CCDC28A: variants seen among roughly 807,000 people sequenced by gnomAD.
CCDC28A encodes the protein coiled-coil domain containing 28A.
CCDC28A carries 24 observed loss-of-function variants against 22.1 expected under a neutral mutation model. The ratio of observed to expected loss-of-function variants is 1.09; its 90% CI spans 0.79 to 1.53. The LOEUF (loss-of-function observed/expected upper bound fraction) is 1.53, where lower values mean the gene tolerates loss of function less well. CCDC28A is among the 40% of genes most tolerant of loss of function. The probability of loss-of-function intolerance (pLI) is 0.00; values close to 1 mark genes in which losing one functional copy is unlikely to be tolerated. For missense variants in CCDC28A, 170 were observed against 210.7 expected, an observed-to-expected ratio of 0.81 and a Z score of 1.20; for synonymous variants, 83 against 74.7, an observed-to-expected ratio of 1.11 and a Z score of -0.57.
In CCDC28A at chr6:138,773,863, G is replaced by A; in HGVS notation, c.-82G>A. On this transcript the variant is annotated 5_prime_UTR_variant, in exon 1 of 6. Transcript: ENST00000617445. ...TGGCTTCTGAGGCTGTCGGGTCTTT[G>A]CGGGTTGCGGAAGGGGGCCCCAATA... is the stretch of plus-strand genomic sequence containing the variant. The A allele has an allele frequency of 6.2e-7, 1 of 1,614,002 alleles. No homozygotes were observed. The highest frequency in any genetic ancestry group is 1.1e-5 in the South Asian group (1 of 91,048).
chr6:138,789,661 C>G (rs1483340145), intron 5 of CCDC28A, among the ~76,000 whole-genome samples: 3 of 151,976 alleles, frequency 2.0e-5, no homozygotes, highest in Non-Finnish European at 4.4e-5. Context: ...CCTCTCTTTA[C>G]TAAAAATACA....
At chr6:138,783,579 A>C (rs1286576850) in intron 3 of CCDC28A, among the ~76,000 whole-genome samples, 1 of 151,756 alleles carries the variant, frequency 6.6e-6, no homozygotes, top group African/African-American at 2.4e-5. Flanking sequence ...CTGGGACTAC[A>C]GGCGCCCACC....
At chr6:138,778,554 G>A (rs1280973754) in intron 2 of CCDC28A, among the ~76,000 whole-genome samples, 1 of 152,168 alleles carries the variant, frequency 6.6e-6, no homozygotes, top group Non-Finnish European at 1.5e-5. Flanking sequence ...TGAGGAAATA[G>A]CATTTAAACT....
At chr6:138,780,576 T>A (rs1255071816) in intron 3 of CCDC28A, among the ~76,000 whole-genome samples, 1 of 149,046 alleles carries the variant, frequency 6.7e-6, no homozygotes, top group Admixed American at 6.7e-5. Flanking sequence ...TTCCCAATTT[T>A]TTTTTTTTTT....
chr6:138,788,640 A>G (rs1775129212), intron 5 of CCDC28A, among the ~76,000 whole-genome samples: 1 of 134,238 alleles, frequency 7.4e-6, no homozygotes, highest in African/African-American at 3.0e-5. Context: ...CAGTGCCACG[A>G]TCATGGTTCA....
chr6:138,784,994 A>C (rs1775070833), intron 3 of CCDC28A, among the ~76,000 whole-genome samples: 2 of 152,188 alleles, frequency 1.3e-5, no homozygotes, highest in African/African-American at 4.8e-5. Flanking sequence ...GCCTGGCCTG[A>C]AATATTTCCC....
At position 138,773,799 on chromosome 6, in the gene CCDC28A, C is replaced by T. The variant is rs34538642; in HGVS notation, c.-146C>T. ...CAAACGGAGCTGCGGAGGAGCGGGT[C>T]CCGGGATGTGACCGGGGCTCTGCTT... On this transcript the variant is annotated 5_prime_UTR_variant, in exon 1 of 6. Coordinates refer to ENST00000617445, the MANE Select transcript of CCDC28A (RefSeq NM_015439.3). 2.5e-6 allele frequency: 4 copies of T among 1,613,830 alleles called. No homozygotes were observed. The highest frequency in any genetic ancestry group is 2.2e-5 in the East Asian group (1 of 44,882).
chr6:138,773,992 G>A, intron 1 of CCDC28A, 90 bp downstream of exon 1: 1 of 1,468,752 alleles, frequency 6.8e-7, no homozygotes, highest in South Asian at 1.2e-5. Context: ...GGCGGTGAAG[G>A]GTCATCGCTT....
chr6:138,774,387 A>G (rs535945809), intron 1 of CCDC28A, among the ~76,000 whole-genome samples: 2 of 152,324 alleles, frequency 1.3e-5, no homozygotes, highest in South Asian at 2.1e-4. Context: ...TTGCCTCTTC[A>G]GAGAACTAAT....
intron 5 of CCDC28A, among the ~76,000 whole-genome samples, chr6:138,792,433 G>A (rs1775184622): frequency 6.6e-6 from 1 of 151,912 alleles, no homozygotes; most frequent in Non-Finnish European, 1.5e-5. Flanking sequence ...GAGGTGGGAG[G>A]ATTGCTTGAG....
chr6:138,773,859 CT>C lies in CCDC28A; in HGVS notation c.-83del, dbSNP rs1774879680. On this transcript the variant is annotated 5_prime_UTR_variant, in exon 1 of 6. Coordinates refer to ENST00000617445, the MANE Select transcript of CCDC28A (RefSeq NM_015439.3). ...GCGGTGGCTTCTGAGGCTGTCGGGT[CT>C]TTGCGGGTTGCGGAAGGGGGCCCCA... 2 of 1,613,948 alleles carry C rather than the reference CT, an allele frequency of 1.2e-6. No individual in the cohort carries two copies. Among genetic ancestry groups the C allele is most frequent in the African/African-American group, 2.7e-5 (2 of 74,906 alleles).
In CCDC28A at chr6:138,788,297, G is replaced by T. The variant is rs1403088150; in HGVS notation, c.478-69G>T. ...AAATGAAAAATAATTTATTTAAAAA[G>T]AAATAGTTAACAACTATTTATATTG... is the stretch of plus-strand genomic sequence containing the variant. On this transcript the variant is annotated intron_variant, in intron 4 of 5. Transcript: ENST00000617445. 3 of 546,986 alleles carry T rather than the reference G, an allele frequency of 5.5e-6. No homozygotes were observed. The African/African-American group carries it at 6.0e-5, about 11-fold the overall frequency. The allele number at this position is 546,986 out of a possible 1,614,324, so 33.9% of individuals were successfully genotyped here.
At chr6:138,781,694 A>G (rs1042720710) in intron 3 of CCDC28A, among the ~76,000 whole-genome samples, 1 of 152,172 alleles carries the variant, frequency 6.6e-6, no homozygotes, top group African/African-American at 2.4e-5. Flanking sequence ...GGTCCTTTTC[A>G]GGACCTTTTG....
intron 3 of CCDC28A, among the ~76,000 whole-genome samples, chr6:138,781,390 T>C (rs1775018486): frequency 2.0e-5 from 3 of 152,248 alleles, no homozygotes; most frequent in Non-Finnish European, 4.4e-5. Flanking sequence ...TACACAGATC[T>C]TTAGGCTGGT....
Position 138,788,047 on chromosome 6 carries a change from AAAC to A in CCDC28A, c.478-318_478-316del, listed in dbSNP as rs150199028. 7.4e-3 allele frequency among the ~76,000 whole-genome samples: 1,091 copies of A among 146,698 alleles called. 35 individuals are homozygous for A. The highest frequency in any genetic ancestry group is 0.061 in the East Asian group (305 of 4,996). ...CACTAACAGAGCTCACTGCAGCCTT[AAAC>A]TCCTGGGCCCAAACAATCCTCCCAC... On this transcript the variant is annotated intron_variant, in intron 4 of 5. Coordinates refer to ENST00000617445, the MANE Select transcript of CCDC28A (RefSeq NM_015439.3).
At chr6:138,790,446 G>A (rs182443961) in intron 5 of CCDC28A, among the ~76,000 whole-genome samples, 7 of 152,158 alleles carry the variant, frequency 4.6e-5, no homozygotes, top group East Asian at 3.9e-4. Flanking sequence ...CACCACGCCC[G>A]GCCCTTTTTT....
chr6:138,783,945 T>G (rs1438372209), intron 3 of CCDC28A, among the ~76,000 whole-genome samples: 2 of 148,238 alleles, frequency 1.3e-5, no homozygotes, highest in African/African-American at 5.0e-5. Context: ...GGTGTGATCA[T>G]GGTTCACTGC....
In CCDC28A at chr6:138,788,505, G is replaced by C. The variant is rs1405385206; in HGVS notation, c.500+117G>C. On this transcript the variant is annotated intron_variant, in intron 5 of 5. Transcript: ENST00000617445. Reference sequence around the variant, plus strand: ...AGATATGGTGGAAAAAAGACACGTAGTATTATTCACTAGGGCCGTCACTCT... The same window carrying C: ...AGATATGGTGGAAAAAAGACACGTACTATTATTCACTAGGGCCGTCACTCT... 30 of 395,948 alleles carry C rather than the reference G, an allele frequency of 7.6e-5. No individual in the cohort carries two copies. The Admixed American group carries it at 1.1e-3, about 14-fold the overall frequency. The allele number at this position is 395,948 out of a possible 1,614,324, so 24.5% of individuals were successfully genotyped here. A position where few individuals can be genotyped will look rare whatever the true frequency, so the allele number is the denominator to read the frequency against.
chr6:138,782,877 G>A (rs1173051017), intron 3 of CCDC28A, among the ~76,000 whole-genome samples: 1 of 151,992 alleles, frequency 6.6e-6, no homozygotes, highest in East Asian at 1.9e-4. Flanking sequence ...TATTTATTTA[G>A]GATATGTACT....
Sources: allele counts gnomAD v4.1 joint callset (sites outside exome capture counted in the v4.1 genomes callset), GRCh38; gene constraint gnomAD v4.1.1; transcripts MANE v1.5; gene names NCBI Gene and HGNC (gene_info 2026-07-23, HGNC 2026-07-21).